Variants in EYS observed in about 807,000 individuals in gnomAD.
EYS encodes EGF-like photoreceptor maintenance factor, also known as protein eyes shut homolog.
EYS carries 250 observed loss-of-function variants against 282.1 expected under a neutral mutation model. The ratio of observed to expected loss-of-function variants is 0.89; its 90% CI spans 0.80 to 0.98. The LOEUF (loss-of-function observed/expected upper bound fraction) is 0.98. Among genes scored for constraint, EYS ranks in the 50% least tolerant of loss-of-function variants. The pLI is 0.00. For synonymous variants in EYS, 1,355 were observed against 1,282.9 expected, an observed-to-expected ratio of 1.06 and a Z score of -1.20; for missense variants, 4,016 against 3,709.0, an observed-to-expected ratio of 1.08 and a Z score of -2.15.
intron 5 of EYS, among the ~76,000 whole-genome samples, chr6:65,418,119 G>T (rs1767312796): frequency 6.6e-6 from 1 of 151,996 alleles, no homozygotes; most frequent in Non-Finnish European, 1.5e-5. Context: ...TACATATCCT[G>T]TTGTGCAATT....
At chr6:65,244,367 T>G (rs1283245375) in intron 12 of EYS, among the ~76,000 whole-genome samples, 2 of 152,180 alleles carry the variant, frequency 1.3e-5, no homozygotes, top group East Asian at 3.9e-4. Context: ...AATTAGCACA[T>G]AAGTTATTCT....
chr6:65,516,918 A>G (rs953007080), intron 2 of EYS, among the ~76,000 whole-genome samples: 6 of 152,080 alleles, frequency 3.9e-5, no homozygotes, highest in African/African-American at 1.4e-4. Context: ...GGAACAAAAG[A>G]GTTTCAAGTT....
intron 2 of EYS, among the ~76,000 whole-genome samples, chr6:65,498,934 C>G (rs1766351228): frequency 6.6e-6 from 1 of 151,824 alleles, no homozygotes; most frequent in Admixed American, 6.6e-5. Flanking sequence ...TAATTTTATC[C>G]CAGGTGATAT....
intron 2 of EYS, among the ~76,000 whole-genome samples, chr6:65,619,315 A>G (rs1017495616): frequency 2.6e-4 from 40 of 151,612 alleles, no homozygotes; most frequent in African/African-American, 9.7e-4. Flanking sequence ...CTTTGAAGCA[A>G]TTATGAATGG....
chr6:64,017,645 C>A (rs1388128504), intron 33 of EYS, among the ~76,000 whole-genome samples: 2 of 152,158 alleles, frequency 1.3e-5, no homozygotes, highest in Non-Finnish European at 2.9e-5. Flanking sequence ...GGAACTGTTT[C>A]TTAGACAAAC....
intron 24 of EYS, among the ~76,000 whole-genome samples, chr6:64,602,263 A>C (rs2149838742): frequency 6.6e-6 from 1 of 152,204 alleles, no homozygotes; most frequent in African/African-American, 2.4e-5. Flanking sequence ...ATATAAAATT[A>C]TATTTACAAA....
chr6:64,536,378 AG>A (rs1764519141), intron 26 of EYS, among the ~76,000 whole-genome samples: 1 of 152,220 alleles, frequency 6.6e-6, no homozygotes, highest in South Asian at 2.1e-4. Context: ...CAGGAATTCC[AG>A]AATAAGTCAT....
intron 5 of EYS, among the ~76,000 whole-genome samples, chr6:65,442,551 AG>A (rs1768375486): frequency 1.3e-5 from 2 of 151,954 alleles, no homozygotes; most frequent in Non-Finnish European, 2.9e-5. Flanking sequence ...CAGGAGATTG[AG>A]ACCATCCTGG....
intron 18 of EYS, among the ~76,000 whole-genome samples, chr6:64,889,440 T>C (rs1767208213): frequency 6.6e-6 from 1 of 152,018 alleles, no homozygotes; most frequent in Non-Finnish European, 1.5e-5. Context: ...TTTTCAATTA[T>C]GATTTCCTTC....
chr6:65,681,457 G>A (rs1348931092), intron 1 of EYS, among the ~76,000 whole-genome samples: 1 of 151,978 alleles, frequency 6.6e-6, no homozygotes, highest in Non-Finnish European at 1.5e-5. Context: ...TATTTCAGTG[G>A]AAAGCTTCAG....
intron 32 of EYS, among the ~76,000 whole-genome samples, chr6:64,081,225 G>C (rs917639545): frequency 6.6e-6 from 1 of 152,156 alleles, no homozygotes; most frequent in Admixed American, 6.5e-5. Flanking sequence ...TATTTCAAAA[G>C]AGAAAACAAT....
rs186596187 is a variant in EYS, at chr6:65,060,630, T to C, written c.2024-2903A>G. The stretch of plus-strand genomic sequence containing the variant: ...TTTGCCTGGGAATACCTGGTTTCCT[T>C]TTAAAACCTGGATCATCTCAGGTAT... On this transcript the variant is annotated intron_variant, in intron 12 of 42. Transcript: ENST00000503581. Among the ~76,000 whole-genome samples the C allele has an allele frequency of 8.3e-4, 126 of 151,988 alleles. 2 individuals carry two copies. Among genetic ancestry groups the C allele is most frequent in the South Asian group, 4.8e-3 (23 of 4,820 alleles).
At chr6:64,026,745 T>C (rs1769535059) in intron 33 of EYS, among the ~76,000 whole-genome samples, 1 of 152,114 alleles carries the variant, frequency 6.6e-6, no homozygotes, top group African/African-American at 2.4e-5. Context: ...TAATCTCCCC[T>C]GCCCAGAAGG....
chr6:64,566,129 G>T (rs2149814708), intron 26 of EYS, among the ~76,000 whole-genome samples: 1 of 152,082 alleles, frequency 6.6e-6, no homozygotes, highest in South Asian at 2.1e-4. Context: ...TTTTCATTAT[G>T]ATATTCTATA....
chr6:65,214,251 T>C (rs1247010276), intron 12 of EYS, among the ~76,000 whole-genome samples: 1 of 148,704 alleles, frequency 6.7e-6, no homozygotes, highest in African/African-American at 2.5e-5. Flanking sequence ...AAGTTGTGAA[T>C]TTAAAGAAAA....
At chr6:64,256,118 CTTAATT>C (rs1305808025) in intron 30 of EYS, among the ~76,000 whole-genome samples, 20 of 152,052 alleles carry the variant, frequency 1.3e-4, no homozygotes, top group Admixed American at 1.2e-3. Context: ...TCATAATACT[CTTAATT>C]TTGACAAAAT....
At chr6:63,825,069 G>T (rs902999536) in intron 36 of EYS, among the ~76,000 whole-genome samples, 1 of 152,170 alleles carries the variant, frequency 6.6e-6, no homozygotes, top group Admixed American at 6.5e-5. Context: ...TGGGGGCATG[G>T]TGGGAGTGAG....
Position 63,748,806 on chromosome 6 carries a change from T to C in EYS, c.8071+13655A>G, listed in dbSNP as rs139779389. On this transcript the variant is annotated intron_variant, in intron 41 of 42. Transcript: ENST00000503581. ...TTTACAATATTCTCTGATGATTATTTGTATTTCTGTGGAGTTAGTGGTAAT... is the reference window on the plus strand; with the variant it reads ...TTTACAATATTCTCTGATGATTATTCGTATTTCTGTGGAGTTAGTGGTAAT... 7.4e-3 allele frequency among the ~76,000 whole-genome samples: 1,131 copies of C among 152,304 alleles called. 17 individuals are homozygous for C. Among genetic ancestry groups the C allele is most frequent in the African/African-American group, 0.026 (1,061 of 41,574 alleles).
intron 29 of EYS, among the ~76,000 whole-genome samples, chr6:64,388,222 G>T (rs999127219): frequency 2.6e-5 from 4 of 152,078 alleles, no homozygotes; most frequent in African/African-American, 9.7e-5. Context: ...AATTTAAAGA[G>T]TGGGCTGGCA....
Sources: gnomAD v4.1 joint callset for allele counts (sites outside exome capture counted in the v4.1 genomes callset) on GRCh38, gnomAD v4.1.1 for gene constraint, MANE v1.5 for transcripts, NCBI Gene and HGNC (gene_info 2026-07-23, HGNC 2026-07-21) for gene names.